Variants in LRRC74A observed in about 807,000 individuals in gnomAD.
The protein encoded by LRRC74A is leucine rich repeat containing 74A, also known as leucine-rich repeat-containing protein 74A.
In LRRC74A, 44 loss-of-function variants were observed where a neutral mutation model predicts 57.9. The observed-to-expected ratio is 0.76, with a 90% confidence interval of 0.60 to 0.98. The LOEUF (loss-of-function observed/expected upper bound fraction) is 0.98. Among genes scored for constraint, LRRC74A ranks in the 50% least tolerant of loss-of-function variants. The pLI, the probability that LRRC74A is intolerant of heterozygous loss-of-function variation, is 0.00. For synonymous variants in LRRC74A, 211 were observed against 219.4 expected (o/e 0.96, Z 0.34); for missense variants, 572 against 574.0 (o/e 1.00, Z 0.04).
chr14:76,853,199 C>T lies in LRRC74A; in HGVS notation c.763-17C>T, dbSNP rs1897631263. ...GCGTAACCTTGATGCTGGTGCTGTT[C>T]TCCCCTCTTCCTGGAGGGTAATGTG... is the stretch of plus-strand genomic sequence containing the variant. On this transcript the variant is annotated splice_polypyrimidine_tract_variant and intron_variant, in intron 8 of 13. Transcript: ENST00000689127. 1 of 1,591,358 alleles carries T rather than the reference C, an allele frequency of 6.3e-7. No homozygotes were observed. The highest frequency in any genetic ancestry group is 2.2e-5 in the East Asian group (1 of 44,734).
chr14:76,828,662 G>C, intron 2 of LRRC74A: 1 of 635,352 alleles, frequency 1.6e-6, no homozygotes, highest in Non-Finnish European at 2.9e-6. Flanking sequence ...ACGTCGTCTT[G>C]TTAAAAGCGG....
intron 2 of LRRC74A, chr14:76,829,235 G>T: frequency 7.9e-7 from 1 of 1,270,104 alleles, no homozygotes; most frequent in Non-Finnish European, 1.0e-6. Context: ...CAGCTGGCTG[G>T]TGGGCAGTGA....
intron 2 of LRRC74A, among the ~76,000 whole-genome samples, chr14:76,829,741 C>T (rs1019661023): frequency 6.6e-6 from 1 of 152,222 alleles, no homozygotes; most frequent in African/African-American, 2.4e-5. Flanking sequence ...GCACCAAAAA[C>T]TCTGTCCTGA....
At chr14:76,829,529 GT>G (rs763621352) in intron 2 of LRRC74A, among the ~76,000 whole-genome samples, 6 of 152,172 alleles carry the variant, frequency 3.9e-5, no homozygotes, top group African/African-American at 1.4e-4. Context: ...TGGCCAAAGG[GT>G]CCTGTTTCTA....
chr14:76,869,760 T>TAA (rs111436232), intron 13 of LRRC74A, among the ~76,000 whole-genome samples: 50 of 108,850 alleles, frequency 4.6e-4, no homozygotes, highest in African/African-American at 1.5e-3. Flanking sequence ...AGACTCCATC[T>TAA]AAAAAAAAAA....
At chr14:76,829,554 T>A (rs1310521667) in intron 2 of LRRC74A, among the ~76,000 whole-genome samples, 1 of 152,094 alleles carries the variant, frequency 6.6e-6, no homozygotes, top group Non-Finnish European at 1.5e-5. Context: ...CATTCCCCCA[T>A]CTCTTCCCCT....
In LRRC74A at chr14:76,826,447, T is replaced by G; in HGVS notation, c.-251T>G. The G allele has an allele frequency of 3.6e-6, 5 of 1,384,088 alleles. No individual in the cohort carries two copies. The highest frequency in any genetic ancestry group is 2.5e-5 in the East Asian group (1 of 39,656). 85.7% of individuals were successfully genotyped at this position (1,384,088 alleles called of 1,614,324 possible). ...AATAGAGCAGTCCCACTCTCCCAGA[T>G]GAGCTGGAGAAGTAGCTACCTCTCC... On this transcript the variant is annotated 5_prime_UTR_variant, in exon 1 of 14. The change abolishes an upstream ATG in the 5' untranslated region. Coordinates refer to ENST00000689127, the MANE Select transcript of LRRC74A (RefSeq NM_001385106.1).
chr14:76,828,916 G>A, intron 2 of LRRC74A: 1 of 655,312 alleles, frequency 1.5e-6, no homozygotes. Context: ...CCAGGCCCCT[G>A]GAGTGTTTCT....
At position 76,867,370 on chromosome 14, in the gene LRRC74A, C is replaced by G. The variant is rs200135898; in HGVS notation, c.1323C>G (p.Pro441=). The G allele has an allele frequency of 1.3e-4, 203 of 1,583,348 alleles. No individual in the cohort carries two copies. In the East Asian group the frequency reaches 4.5e-3, roughly 35 times the overall value. ...QKVMIEQNKV[P]LNQYQVREVI... ...CACCTCCTCAGCAAAACAAGGTCCC[C>G]CTGAACCAGTACCAGGTCAGGGAGG... The change falls in exon 13 of 14, where the codon CCC becomes CCG. Residue 441 remains proline (P), a synonymous_variant. Transcript: ENST00000689127.
chr14:76,851,827 A>G (rs1448256187), intron 7 of LRRC74A, among the ~76,000 whole-genome samples: 1 of 151,862 alleles, frequency 6.6e-6, no homozygotes, highest in Non-Finnish European at 1.5e-5. Context: ...CACCGCACCC[A>G]GCTAATTTTT....
At chr14:76,850,076 T>C (rs927938811) in intron 7 of LRRC74A, among the ~76,000 whole-genome samples, 3 of 151,324 alleles carry the variant, frequency 2.0e-5, no homozygotes, top group East Asian at 2.0e-4. Context: ...GGCATGGTGG[T>C]GGGTGCCTGT....
intron 10 of LRRC74A, 124 bp downstream of exon 10, chr14:76,857,599 G>C (rs999884289): frequency 9.1e-6 from 6 of 660,386 alleles, no homozygotes; most frequent in Admixed American, 7.4e-5. Flanking sequence ...AGTGCTCCAT[G>C]AAAGGGTCAC....
At chr14:76,849,197 G>C (rs1254578361) in intron 7 of LRRC74A, among the ~76,000 whole-genome samples, 1 of 152,072 alleles carries the variant, frequency 6.6e-6, no homozygotes, top group Non-Finnish European at 1.5e-5. Flanking sequence ...TGTTGCCCAG[G>C]CTGGGTGGAG....
At chr14:76,841,468 G>A (rs932071476) in intron 5 of LRRC74A, among the ~76,000 whole-genome samples, 3 of 151,728 alleles carry the variant, frequency 2.0e-5, no homozygotes, top group Admixed American at 1.3e-4. Context: ...TATTAGTATT[G>A]TAAGTAATAG....
intron 5 of LRRC74A, among the ~76,000 whole-genome samples, chr14:76,842,599 A>C (rs985744955): frequency 4.6e-5 from 7 of 152,246 alleles, no homozygotes; most frequent in African/African-American, 1.7e-4. Flanking sequence ...CTAGCTTATT[A>C]TCTCACTTTA....
At chr14:76,829,212 C>A (rs1895803568) in intron 2 of LRRC74A, 1 of 1,286,798 alleles carries the variant, frequency 7.8e-7, no homozygotes, top group African/African-American at 1.5e-5. Flanking sequence ...ACCCTTCCTC[C>A]CCTGCATCCT....
At chr14:76,838,432 C>A (rs1228540634) in intron 5 of LRRC74A, among the ~76,000 whole-genome samples, 1 of 152,076 alleles carries the variant, frequency 6.6e-6, no homozygotes, top group African/African-American at 2.4e-5. Flanking sequence ...AATTCAATGG[C>A]ACATTAGTTA....
At chr14:76,861,948 T>C (rs1407890726) in intron 11 of LRRC74A, among the ~76,000 whole-genome samples, 1 of 152,192 alleles carries the variant, frequency 6.6e-6, no homozygotes, top group Admixed American at 6.5e-5. Context: ...ACATGAAAAT[T>C]GTTATGTGAA....
Position 76,829,153 on chromosome 14 carries a change from C to T in LRRC74A, c.166+734C>T, listed in dbSNP as rs750108945. ...TGAAGCAAGAGAATGACGCTGGTTC[C>T]ATCTGACAGGGTCAGCCTCAAACTT... On this transcript the variant is annotated intron_variant, in intron 2 of 13. Coordinates refer to ENST00000689127, the MANE Select transcript of LRRC74A (RefSeq NM_001385106.1). 3.1e-5 allele frequency: 40 copies of T among 1,289,334 alleles called. 1 individual carries two copies. In the South Asian group the frequency reaches 4.8e-4, roughly 16 times the overall value. The allele number at this position is 1,289,334 out of a possible 1,614,324, so 79.9% of individuals were successfully genotyped here.
Sources: gnomAD v4.1 joint callset for allele counts (sites outside exome capture counted in the v4.1 genomes callset) on GRCh38, gnomAD v4.1.1 for gene constraint, MANE v1.5 for transcripts, NCBI Gene and HGNC (gene_info 2026-07-23, HGNC 2026-07-21) for gene names.